The following JAZF1 variants were observed in gnomAD, a reference collection of about 807,000 sequenced individuals.
JAZF1 encodes juxtaposed with another zinc finger protein 1.
JAZF1 carries 8 observed loss-of-function variants against 26.4 expected under a neutral mutation model. The ratio of observed to expected loss-of-function variants is 0.30; its 90% confidence interval spans 0.18 to 0.55. The LOEUF (loss-of-function observed/expected upper bound fraction) is 0.55, where lower values mean the gene tolerates loss of function less well. Among genes scored for constraint, JAZF1 ranks in the 20% least tolerant of loss-of-function variants. The pLI is 0.94. For missense variants in JAZF1, 199 were observed against 322.0 expected (o/e 0.62, Z 2.92); for synonymous variants, 126 against 122.3 (o/e 1.03, Z -0.20).
chr7:27,851,407 G>A (rs994346342), intron 3 of JAZF1, among the ~76,000 whole-genome samples: 12 of 152,148 alleles, frequency 7.9e-5, no homozygotes, highest in Non-Finnish European at 1.6e-4. Flanking sequence ...CACACACTTT[G>A]GGAGGCTGAG....
intron 1 of JAZF1, among the ~76,000 whole-genome samples, chr7:28,121,192 A>AAAAAAAG (rs1156677331): frequency 6.6e-6 from 1 of 151,282 alleles, no homozygotes; most frequent in Non-Finnish European, 1.5e-5. Flanking sequence ...TCTCGAAAAA[A>AAAAAAAG]AAAGAAAAAG....
chr7:28,110,660 A>AGGAAAGGAAAG (rs1784647742), intron 1 of JAZF1, among the ~76,000 whole-genome samples: 1 of 149,654 alleles, frequency 6.7e-6, no homozygotes, highest in African/African-American at 2.5e-5. Flanking sequence ...GGAAAGGAAA[A>AGGAAAGGAAAG]GAAAAGTTAG....
intron 2 of JAZF1, among the ~76,000 whole-genome samples, chr7:27,949,784 T>G (rs757138): frequency 0.39 from 58,770 of 151,968 alleles, 13,213 homozygotes; most frequent in East Asian, 0.89. Context: ...AAACTAAATA[T>G]ATAAATAAAA....
chr7:27,843,674 C>G (rs1041400460), intron 3 of JAZF1: 1 of 152,278 alleles, frequency 6.6e-6, no homozygotes, highest in Non-Finnish European at 1.5e-5. Context: ...CACACTCCAG[C>G]CCCCACCTCC....
At chr7:27,968,324 G>C (rs1285809913) in intron 2 of JAZF1, among the ~76,000 whole-genome samples, 2 of 152,134 alleles carry the variant, frequency 1.3e-5, no homozygotes, top group Non-Finnish European at 2.9e-5. Context: ...AGATGGGAGA[G>C]GTGGTAGCAA....
At chr7:27,930,285 G>A (rs537436191) in intron 2 of JAZF1, among the ~76,000 whole-genome samples, 10 of 152,200 alleles carry the variant, frequency 6.6e-5, no homozygotes, top group African/African-American at 1.7e-4. Context: ...ATGAGCCACC[G>A]TGCCCGGCCA....
chr7:27,892,700 A>G (rs984312017), intron 3 of JAZF1, among the ~76,000 whole-genome samples: 1 of 152,220 alleles, frequency 6.6e-6, no homozygotes, highest in East Asian at 1.9e-4. Context: ...AAGATCCTGG[A>G]AAGTCAATCT....
chr7:28,035,083 G>A (rs1383910145), intron 1 of JAZF1, among the ~76,000 whole-genome samples: 2 of 151,922 alleles, frequency 1.3e-5, no homozygotes, highest in Non-Finnish European at 2.9e-5. Flanking sequence ...TTGGGAGTCC[G>A]AGGCAAGTGG....
chr7:28,154,552 T>C (rs577041533), intron 1 of JAZF1, among the ~76,000 whole-genome samples: 1 of 152,204 alleles, frequency 6.6e-6, no homozygotes, highest in Admixed American at 6.5e-5. Flanking sequence ...ATTTACTGAA[T>C]GTCTCTTGAA....
intron 1 of JAZF1, among the ~76,000 whole-genome samples, chr7:28,026,582 G>C (rs34109885): frequency 0.17 from 25,938 of 152,118 alleles, 2,498 homozygotes; most frequent in South Asian, 0.25. Context: ...CCTAGAATGT[G>C]CTACTCATAA....
chr7:27,971,896 G>C (rs1785380658), intron 2 of JAZF1, among the ~76,000 whole-genome samples: 1 of 152,158 alleles, frequency 6.6e-6, no homozygotes, highest in African/African-American at 2.4e-5. Flanking sequence ...AGAAAGATTG[G>C]TAAGACATGA....
chr7:28,026,983 T>C (rs1486482196), intron 1 of JAZF1, among the ~76,000 whole-genome samples: 1 of 152,246 alleles, frequency 6.6e-6, no homozygotes, highest in Non-Finnish European at 1.5e-5. Context: ...TCTTTTTCCA[T>C]TACCCGTGTT....
At chr7:28,164,948 C>T (rs115146223) in intron 1 of JAZF1, among the ~76,000 whole-genome samples, 2,850 of 152,232 alleles carry the variant, frequency 0.019, 82 homozygotes, top group African/African-American at 0.064. Flanking sequence ...GCGGAAGGAT[C>T]ACTTTAGCCC....
rs1287015470 is a variant in JAZF1 at position 28,117,907 on chromosome 7, G to C, written c.115+62556C>G. Among the ~76,000 whole-genome samples, 5 of 152,064 alleles carry C rather than the reference G, an allele frequency of 3.3e-5. No homozygotes were observed. In the South Asian group the frequency reaches 6.2e-4, roughly 19 times the overall value. On this transcript the variant is annotated intron_variant, in intron 1 of 4. Coordinates refer to ENST00000283928, the MANE Select transcript of JAZF1 (RefSeq NM_175061.4). ...TTTTCACTATTAATTTGTTTAAAAA[G>C]CAAGCAATACAACACAATTAAAGTC...
intron 2 of JAZF1, among the ~76,000 whole-genome samples, chr7:27,935,300 T>C (rs865971141): frequency 9.9e-5 from 15 of 152,222 alleles, no homozygotes; most frequent in Admixed American, 2.0e-4. Context: ...ATCCTCAAAA[T>C]GCAACTGTAC....
At chr7:28,100,972 A>G (rs1206628453) in intron 1 of JAZF1, among the ~76,000 whole-genome samples, 1 of 152,220 alleles carries the variant, frequency 6.6e-6, no homozygotes, top group Non-Finnish European at 1.5e-5. Flanking sequence ...TTCTCCATCT[A>G]ACAGTGAGCT....
At chr7:28,046,029 C>T (rs546173167) in intron 1 of JAZF1, among the ~76,000 whole-genome samples, 2 of 152,268 alleles carry the variant, frequency 1.3e-5, no homozygotes, top group East Asian at 3.9e-4. Flanking sequence ...CCCACTACAC[C>T]TCCCTAGGTT....
intron 1 of JAZF1, among the ~76,000 whole-genome samples, chr7:28,034,314 A>T (rs1783247709): frequency 6.6e-6 from 1 of 152,116 alleles, no homozygotes; most frequent in Non-Finnish European, 1.5e-5. Flanking sequence ...GCCAAATCCT[A>T]GAAGGCTTTG....
intron 1 of JAZF1, among the ~76,000 whole-genome samples, chr7:28,146,726 T>C (rs1026168370): frequency 2.0e-5 from 3 of 152,220 alleles, no homozygotes; most frequent in African/African-American, 7.2e-5. Flanking sequence ...TAATGTTAAC[T>C]ATCACTAGTC....
Sources: gnomAD v4.1 joint callset for allele counts (sites outside exome capture counted in the v4.1 genomes callset) on GRCh38, gnomAD v4.1.1 for gene constraint, MANE v1.5 for transcripts, NCBI Gene and HGNC (gene_info 2026-07-23, HGNC 2026-07-21) for gene names.